Variants in EPHA6 observed in about 807,000 individuals in gnomAD.
The protein encoded by EPHA6 is ephrin type-A receptor 6.
A neutral mutation model predicts 112.0 loss-of-function variants in EPHA6; 50 were observed. The observed-to-expected ratio is 0.45, with a 90% CI of 0.36 to 0.56. The LOEUF (loss-of-function observed/expected upper bound fraction) is 0.56. Ranked by LOEUF, EPHA6 falls within the 20% of genes least tolerant of loss-of-function variation. EPHA6 has a pLI of 0.00. For synonymous variants in EPHA6, 529 were observed against 490.7 expected, an observed-to-expected ratio of 1.08 and a Z score of -1.03; for missense variants, 1,280 against 1,417.4, an observed-to-expected ratio of 0.90 and a Z score of 1.56.
chr3:97,654,044 C>T (rs1430990014), intron 14 of EPHA6, among the ~76,000 whole-genome samples: 1 of 151,778 alleles, frequency 6.6e-6, no homozygotes, highest in Non-Finnish European at 1.5e-5. Context: ...ATGAATATTT[C>T]TGGAGAGCTA....
intron 3 of EPHA6, among the ~76,000 whole-genome samples, chr3:97,155,369 G>A (rs1364905129): frequency 6.6e-6 from 1 of 152,058 alleles, no homozygotes; most frequent in African/African-American, 2.4e-5. Flanking sequence ...CATTGAAAAA[G>A]AGTACAGTTA....
At chr3:97,517,327 A>C (rs2092462828) in intron 10 of EPHA6, among the ~76,000 whole-genome samples, 1 of 152,128 alleles carries the variant, frequency 6.6e-6, no homozygotes, top group South Asian at 2.1e-4. Flanking sequence ...AGAAAGAACC[A>C]ATTATAGAAT....
chr3:97,690,621 CCAT>C (rs1471174162), intron 14 of EPHA6, among the ~76,000 whole-genome samples: 1 of 152,078 alleles, frequency 6.6e-6, no homozygotes, highest in Admixed American at 6.6e-5. Flanking sequence ...GCTCACACCA[CCAT>C]GCCTGGCTAA....
At chr3:97,268,356 G>A (rs2079767727) in intron 5 of EPHA6, among the ~76,000 whole-genome samples, 1 of 152,154 alleles carries the variant, frequency 6.6e-6, no homozygotes, top group African/African-American at 2.4e-5. Context: ...AAGGTCAACA[G>A]AAAACAACAA....
At chr3:97,644,117 G>C (rs1281425296) in intron 14 of EPHA6, among the ~76,000 whole-genome samples, 6 of 151,944 alleles carry the variant, frequency 3.9e-5, no homozygotes, top group African/African-American at 1.2e-4. Flanking sequence ...TCAAACTAGA[G>C]CTCAGGATTA....
At chr3:97,094,557 G>C (rs2047179291) in intron 3 of EPHA6, among the ~76,000 whole-genome samples, 1 of 152,104 alleles carries the variant, frequency 6.6e-6, no homozygotes, top group Admixed American at 6.6e-5. Flanking sequence ...TTAGTGCTAG[G>C]CAGCTATTTA....
Position 97,187,830 on chromosome 3 carries a change from A to G in EPHA6, c.1115-38434A>G, listed in dbSNP as rs182217015. Reference sequence around the variant, plus strand: ...ACAGAATCAAGCCTAATGTTAATCAATGAGTACAGAGGGGGAGGTGCAGTC... The same window carrying G: ...ACAGAATCAAGCCTAATGTTAATCAGTGAGTACAGAGGGGGAGGTGCAGTC... On this transcript the variant is annotated intron_variant, in intron 3 of 17. Coordinates refer to ENST00000389672, the MANE Select transcript of EPHA6 (RefSeq NM_001080448.3). Among the ~76,000 whole-genome samples the G allele has an allele frequency of 2.0e-5, 3 of 152,238 alleles. No individual in the cohort carries two copies. In the East Asian group the frequency reaches 5.8e-4, roughly 30 times the overall value.
chr3:97,306,712 A>C (rs189355995), intron 5 of EPHA6, among the ~76,000 whole-genome samples: 92 of 152,004 alleles, frequency 6.1e-4, no homozygotes, highest in African/African-American at 1.9e-3. Flanking sequence ...TTACTATTAA[A>C]AATTCAAATA....
At chr3:96,944,656 C>A (rs2041157507) in intron 2 of EPHA6, among the ~76,000 whole-genome samples, 1 of 152,178 alleles carries the variant, frequency 6.6e-6, no homozygotes, top group Non-Finnish European at 1.5e-5. Context: ...ATGCAGTTTT[C>A]TCATCTGTAA....
At chr3:97,642,714 A>G (rs2094019769) in intron 14 of EPHA6, among the ~76,000 whole-genome samples, 1 of 151,972 alleles carries the variant, frequency 6.6e-6, no homozygotes, top group African/African-American at 2.4e-5. Context: ...AATGAATGAA[A>G]TGAAGCGAGA....
Position 96,934,847 on chromosome 3 carries a change from G to GA in EPHA6, c.451-52477dup, listed in dbSNP as rs539551480. On this transcript the variant is annotated intron_variant, in intron 2 of 17. Coordinates refer to ENST00000389672, the MANE Select transcript of EPHA6 (RefSeq NM_001080448.3). Reference sequence around the variant, plus strand: ...ATCCTAAATATGAAAATAGAGGTTAGAAAAAACATCCTTTAAGTATAATAG... The same window carrying GA: ...ATCCTAAATATGAAAATAGAGGTTAGAAAAAAACATCCTTTAAGTATAATAG... Among the ~76,000 whole-genome samples the GA allele has an allele frequency of 1.7e-4, 26 of 151,682 alleles. 1 individual carries two copies. In the East Asian group the frequency reaches 5.0e-3, roughly 29 times the overall value.
chr3:97,430,537 G>A (rs941741604), intron 6 of EPHA6, among the ~76,000 whole-genome samples: 11 of 151,996 alleles, frequency 7.2e-5, no homozygotes, highest in African/African-American at 2.7e-4. Context: ...TCAAATCCTG[G>A]AACCTGAAAA....
chr3:96,917,582 C>G (rs751733409), intron 2 of EPHA6, among the ~76,000 whole-genome samples: 22 of 152,040 alleles, frequency 1.4e-4, no homozygotes, highest in Non-Finnish European at 2.8e-4. Flanking sequence ...CTCCCATGCA[C>G]AGTACACCAC....
intron 3 of EPHA6, among the ~76,000 whole-genome samples, chr3:97,078,792 GA>G (rs1312480860): frequency 6.6e-6 from 1 of 152,136 alleles, no homozygotes; most frequent in Admixed American, 6.6e-5. Context: ...AACTTGAATG[GA>G]TGAGGAGTTC....
At chr3:97,598,885 G>C (rs1214884832) in intron 12 of EPHA6, among the ~76,000 whole-genome samples, 2 of 149,260 alleles carry the variant, frequency 1.3e-5, no homozygotes, top group African/African-American at 4.9e-5. Flanking sequence ...CCCACCAACA[G>C]TGTAAAAGTG....
chr3:97,436,294 ATCCTT>A (rs974837380), intron 6 of EPHA6, among the ~76,000 whole-genome samples: 1 of 152,132 alleles, frequency 6.6e-6, no homozygotes, highest in African/African-American at 2.4e-5. Context: ...GATTTCTTGA[ATCCTT>A]TGTAGCTTTG....
chr3:97,443,345 T>G (rs77782429), intron 6 of EPHA6, among the ~76,000 whole-genome samples: 3,869 of 134,734 alleles, frequency 0.029, 125 homozygotes, highest in African/African-American at 0.096. Context: ...ACCACTGTCT[T>G]AATTAAGACA....
intron 10 of EPHA6, among the ~76,000 whole-genome samples, chr3:97,524,114 C>G (rs1302116529): frequency 6.6e-6 from 1 of 151,862 alleles, no homozygotes; most frequent in Admixed American, 6.6e-5. Flanking sequence ...TATGGACTTA[C>G]TATAGGCATT....
At chr3:97,232,707 A>G (rs2078564139) in intron 4 of EPHA6, among the ~76,000 whole-genome samples, 1 of 152,172 alleles carries the variant, frequency 6.6e-6, no homozygotes, top group African/African-American at 2.4e-5. Flanking sequence ...AAAAGAAAGT[A>G]CACTTGGAAG....
Sources: allele counts gnomAD v4.1 joint callset (sites outside exome capture counted in the v4.1 genomes callset), GRCh38; gene constraint gnomAD v4.1.1; transcripts MANE v1.5; gene names NCBI Gene and HGNC (gene_info 2026-07-23, HGNC 2026-07-21).